H6PD: variants seen among roughly 807,000 people sequenced by gnomAD.
The protein encoded by H6PD is GDH/6PGL endoplasmic bifunctional protein.
H6PD carries 48 observed loss-of-function variants against 61.2 expected under a neutral mutation model. The observed-to-expected ratio is 0.78, with a 90% CI of 0.62 to 1.00. The LOEUF is 1.00. H6PD is among the 50% of genes least tolerant of loss of function. The pLI, the probability that H6PD is intolerant of heterozygous loss-of-function variation, is 0.00. For synonymous variants in H6PD, 480 were observed against 457.9 expected (o/e 1.05, Z -0.62); for missense variants, 1,093 against 1,065.0 (o/e 1.03, Z -0.37).
rs148697839 is a variant in H6PD at position 9,235,523 on chromosome 1, G to A, written c.-11+457G>A. Among the ~76,000 whole-genome samples, 423 of 152,252 alleles carry A rather than the reference G, an allele frequency of 2.8e-3. 3 individuals are homozygous for A. Among genetic ancestry groups the A allele is most frequent in the Middle Eastern group, 0.017 (5 of 294 alleles). ...CCCCCTGCACCCACAACAGGCCCAT[G>A]GCTCATGAAAGGCAGCAGATGAGGG... On this transcript the variant is annotated intron_variant, in intron 1 of 4. Transcript: ENST00000377403.
chr1:9,258,570 A>G (rs915865210), intron 3 of H6PD, among the ~76,000 whole-genome samples: 3 of 150,994 alleles, frequency 2.0e-5, no homozygotes, highest in African/African-American at 4.9e-5. Context: ...AGCTGGTGTT[A>G]TATTGTTATG....
At chr1:9,241,698 C>A (rs1039425135) in intron 1 of H6PD, among the ~76,000 whole-genome samples, 1 of 152,192 alleles carries the variant, frequency 6.6e-6, no homozygotes, top group African/African-American at 2.4e-5. Flanking sequence ...CTGTGCCTGG[C>A]CTAATTAGCT....
In H6PD at chr1:9,245,568, A is replaced by G. The variant is rs1641148010; in HGVS notation, c.627+7A>G. 11 of 1,613,834 alleles carry G rather than the reference A, an allele frequency of 6.8e-6. No individual in the cohort carries two copies. The highest frequency in any genetic ancestry group is 9.3e-6 in the Non-Finnish European group (11 of 1,179,840). On this transcript the variant is annotated splice_region_variant and intron_variant, in intron 2 of 4. Transcript: ENST00000377403. The surrounding 1 kb of genome is among the most constrained non-coding windows in gnomAD (Gnocchi z 4.8). Reference sequence around the variant, plus strand: ...CCATTACTTAGGCAAGCAGGTGAGCATCAGCATGGAGCCTGCCAGGGCTAG... The same window carrying G: ...CCATTACTTAGGCAAGCAGGTGAGCGTCAGCATGGAGCCTGCCAGGGCTAG...
chr1:9,260,403 C>T (rs542214462), intron 3 of H6PD, among the ~76,000 whole-genome samples: 11 of 144,000 alleles, frequency 7.6e-5, no homozygotes, highest in Admixed American at 2.7e-4. Flanking sequence ...GCTGTTGTTA[C>T]GGTGGTGTTA....
chr1:9,258,996 T>C (rs1244884190), intron 3 of H6PD, among the ~76,000 whole-genome samples: 1 of 152,138 alleles, frequency 6.6e-6, no homozygotes, highest in Admixed American at 6.5e-5. Flanking sequence ...TTTTGTTTGT[T>C]TGTTTTTGTT....
chr1:9,235,736 G>C (rs1640832605), intron 1 of H6PD, among the ~76,000 whole-genome samples: 1 of 152,002 alleles, frequency 6.6e-6, no homozygotes, highest in African/African-American at 2.4e-5. Context: ...TCAGCCTCCG[G>C]GGTAGCTGGG....
At chr1:9,258,924 T>C (rs1453596836) in intron 3 of H6PD, among the ~76,000 whole-genome samples, 1 of 152,174 alleles carries the variant, frequency 6.6e-6, no homozygotes, top group African/African-American at 2.4e-5. Context: ...GTTATGTTGT[T>C]ATGCCAGTGT....
intron 3 of H6PD, among the ~76,000 whole-genome samples, chr1:9,253,077 C>G (rs1641416452): frequency 6.6e-6 from 1 of 152,188 alleles, no homozygotes; most frequent in Non-Finnish European, 1.5e-5. Flanking sequence ...GAGGGCCAGC[C>G]CCTCGCCTCC....
At chr1:9,237,484 C>T (rs1186972178) in intron 1 of H6PD, among the ~76,000 whole-genome samples, 1 of 152,106 alleles carries the variant, frequency 6.6e-6, no homozygotes, top group Non-Finnish European at 1.5e-5. Context: ...CCTCCTGCCT[C>T]AGCCTCCCAA....
intron 1 of H6PD, among the ~76,000 whole-genome samples, chr1:9,238,640 T>C (rs991446616): frequency 2.6e-5 from 4 of 152,212 alleles, no homozygotes; most frequent in Non-Finnish European, 2.9e-5. Context: ...GAAAGCTACA[T>C]TGGAAGCAGA....
At chr1:9,246,132 T>C (rs1355499074) in intron 2 of H6PD, among the ~76,000 whole-genome samples, 3 of 152,104 alleles carry the variant, frequency 2.0e-5, no homozygotes, top group Non-Finnish European at 4.4e-5. Flanking sequence ...TTAGTAGAAA[T>C]GGGTTTTCAC....
At position 9,264,809 on chromosome 1, in the gene H6PD, T is replaced by C; in HGVS notation, c.2316T>C (p.Gly772=). The C allele has an allele frequency of 6.2e-7, 1 of 1,612,866 alleles. No individual in the cohort carries two copies. The highest frequency in any genetic ancestry group is 8.5e-7 in the Non-Finnish European group (1 of 1,180,022). ...AGCCCAAGAAGTGGCCCATCTCGGG[T>C]GTCCTGCCGCACTCCGGCCAGCTGG... ...GHEPKKWPIS[G]VLPHSGQLVW... The change falls in exon 5 of 5, where the codon GGT becomes GGC. Residue 772 remains glycine (G), a synonymous_variant. Transcript: ENST00000377403.
chr1:9,267,025 G>C lies in H6PD; in HGVS notation c.*2156G>C, dbSNP rs1397006371. The C allele has an allele frequency of 6.6e-6, 1 of 152,342 alleles. No individual in the cohort carries two copies. 9.4% of individuals were successfully genotyped at this position (152,342 alleles called of 1,614,324 possible). A position where few individuals can be genotyped will look rare whatever the true frequency, so the allele number is the denominator to read the frequency against. ...AGTAGAGACAGGGTTTCACCATGTT[G>C]CCCAGGCTGGTCTCGAACTCCTGAG... On this transcript the variant is annotated 3_prime_UTR_variant, in exon 5 of 5. Coordinates refer to ENST00000377403, the MANE Select transcript of H6PD (RefSeq NM_004285.4).
chr1:9,265,056 G>T lies in H6PD; in HGVS notation c.*187G>T. The T allele has an allele frequency of 3.0e-6, 2 of 660,462 alleles. No individual in the cohort carries two copies. The highest frequency in any genetic ancestry group is 5.4e-6 in the Non-Finnish European group (2 of 369,220). The allele number at this position is 660,462 out of a possible 1,614,324, so 40.9% of individuals were successfully genotyped here. A position where few individuals can be genotyped will look rare whatever the true frequency, so the allele number is the denominator to read the frequency against. On this transcript the variant is annotated 3_prime_UTR_variant, in exon 5 of 5. Coordinates refer to ENST00000377403, the MANE Select transcript of H6PD (RefSeq NM_004285.4). ...CTTTGACCGGCAGCTCTGTGTATTGGTGGATAGATGCAGAAACAAGGAAGA... is the reference window on the plus strand; with the variant it reads ...CTTTGACCGGCAGCTCTGTGTATTGTTGGATAGATGCAGAAACAAGGAAGA...
intron 1 of H6PD, among the ~76,000 whole-genome samples, chr1:9,237,236 C>CTCTTTTTTTTTTTTT (rs1419535641): frequency 1.4e-5 from 1 of 71,084 alleles, no homozygotes; most frequent in African/African-American, 5.0e-5. Context: ...TTTGACTTCT[C>CTCTTTTTTTTTTTTT]TTTTTTTTTT....
At chr1:9,237,094 G>A (rs746216335) in intron 1 of H6PD, among the ~76,000 whole-genome samples, 5 of 152,100 alleles carry the variant, frequency 3.3e-5, no homozygotes, top group Non-Finnish European at 7.3e-5. Flanking sequence ...CTGATACAGT[G>A]TAAATGTAAT....
Position 9,270,078 on chromosome 1 carries a change from C to T in H6PD, c.*5209C>T, listed in dbSNP as rs1171885878. The T allele has an allele frequency of 4.6e-5, 7 of 152,574 alleles. No individual in the cohort carries two copies. Among genetic ancestry groups the T allele is most frequent in the South Asian group, 2.1e-4 (1 of 4,824 alleles). The allele number at this position is 152,574 out of a possible 1,614,324, so 9.5% of individuals were successfully genotyped here. On this transcript the variant is annotated 3_prime_UTR_variant, in exon 5 of 5. Transcript: ENST00000377403. Reference sequence around the variant, plus strand: ...GTACCCTCTAGCCAACTTTTGGGAGCGCTTCTGTTTGCAAAGCGCTGGGGA... The same window carrying T: ...GTACCCTCTAGCCAACTTTTGGGAGTGCTTCTGTTTGCAAAGCGCTGGGGA...
intron 1 of H6PD, among the ~76,000 whole-genome samples, chr1:9,244,281 C>A (rs1641092797): frequency 6.6e-6 from 1 of 152,172 alleles, no homozygotes; most frequent in Non-Finnish European, 1.5e-5. Flanking sequence ...ACCGCTATTA[C>A]CCCCATTTCA....
chr1:9,258,631 G>A (rs557210348), intron 3 of H6PD, among the ~76,000 whole-genome samples: 23 of 149,306 alleles, frequency 1.5e-4, no homozygotes, highest in African/African-American at 5.4e-4. Flanking sequence ...CTGTTATGCC[G>A]GTGTTGTGCC....
Sources: gnomAD v4.1 joint callset for allele counts (sites outside exome capture counted in the v4.1 genomes callset) on GRCh38, gnomAD v4.1.1 for gene constraint, Gnocchi (gnomAD v3.1) non-coding constraint, MANE v1.5 for transcripts, NCBI Gene and HGNC (gene_info 2026-07-23, HGNC 2026-07-21) for gene names.